CCDC15: variants seen among roughly 807,000 people sequenced by gnomAD.
The protein encoded by CCDC15 is coiled-coil domain-containing protein 15.
Under a neutral mutation model 114.5 loss-of-function variants are expected in CCDC15, and 105 were observed. The observed-to-expected ratio is 0.92, with a 90% CI of 0.78 to 1.08. The LOEUF (loss-of-function observed/expected upper bound fraction) is 1.08. Among genes scored for constraint, CCDC15 ranks in the 50% least tolerant of loss-of-function variants. CCDC15 has a pLI of 0.00. For synonymous variants in CCDC15, 334 were observed against 377.8 expected, an observed-to-expected ratio of 0.88 and a Z score of 1.34; for missense variants, 1,105 against 1,093.6, an observed-to-expected ratio of 1.01 and a Z score of -0.15.
At chr11:124,991,155 C>T (rs1591594839) in intron 8 of CCDC15, among the ~76,000 whole-genome samples, 2 of 152,216 alleles carry the variant, frequency 1.3e-5, no homozygotes, top group African/African-American at 2.4e-5. Flanking sequence ...AGAGGCACTT[C>T]CTCTGGATGT....
chr11:124,985,298 G>C (rs1948138542), intron 6 of CCDC15, among the ~76,000 whole-genome samples: 1 of 152,184 alleles, frequency 6.6e-6, no homozygotes, highest in Admixed American at 6.5e-5. Flanking sequence ...TATGAATTAT[G>C]AACGATTGTG....
intron 13 of CCDC15, among the ~76,000 whole-genome samples, chr11:125,017,708 A>G (rs1208790697): frequency 2.0e-5 from 3 of 152,146 alleles, no homozygotes; most frequent in Admixed American, 6.6e-5. Context: ...ATACAACTCC[A>G]TGAGTGTTAT....
chr11:124,959,530 T>C (rs1947618703), intron 3 of CCDC15, among the ~76,000 whole-genome samples: 1 of 152,210 alleles, frequency 6.6e-6, no homozygotes, highest in South Asian at 2.1e-4. Flanking sequence ...TTGCTACTTC[T>C]AGCTATTGAC....
intron 13 of CCDC15, among the ~76,000 whole-genome samples, chr11:125,016,569 C>G (rs1395938278): frequency 6.6e-6 from 1 of 152,138 alleles, no homozygotes; most frequent in Non-Finnish European, 1.5e-5. Context: ...TCACCTAGGC[C>G]AGATTTGTCT....
intron 4 of CCDC15, among the ~76,000 whole-genome samples, chr11:124,967,873 C>T (rs1208892366): frequency 6.6e-6 from 1 of 152,174 alleles, no homozygotes; most frequent in African/African-American, 2.4e-5. Context: ...TGTTAGTTTT[C>T]CTTCTAACAG....
chr11:124,990,878 A>G (rs1464361351), intron 8 of CCDC15, among the ~76,000 whole-genome samples: 1 of 152,352 alleles, frequency 6.6e-6, no homozygotes, highest in African/African-American at 2.4e-5. Flanking sequence ...TCCACCAGAG[A>G]TGAGTTAGAC....
At chr11:125,024,841 T>C (rs1408651943) in intron 13 of CCDC15, among the ~76,000 whole-genome samples, 1 of 151,718 alleles carries the variant, frequency 6.6e-6, no homozygotes, top group Admixed American at 6.6e-5. Context: ...TGAGAATGGA[T>C]AATTCCTGAT....
intron 10 of CCDC15, among the ~76,000 whole-genome samples, 152 bp from the exon 11 acceptor site, chr11:124,993,017 A>T (rs1206054236): frequency 6.6e-6 from 1 of 151,960 alleles, no homozygotes; most frequent in African/African-American, 2.4e-5. Context: ...AAGTTTGGAA[A>T]TTTTTATGTT....
At position 124,989,316 on chromosome 11, in the gene CCDC15, G is replaced by A. The variant is rs559212338; in HGVS notation, c.1908+1182G>A. On this transcript the variant is annotated intron_variant, in intron 8 of 15. Coordinates refer to ENST00000344762, the MANE Select transcript of CCDC15 (RefSeq NM_025004.3). The stretch of plus-strand genomic sequence containing the variant: ...GGAACAGTTGGTCTCAACAGTAAGT[G>A]TAAAATATTCTGTAAAACATGCTGT... Among the ~76,000 whole-genome samples, 96 of 152,296 alleles carry A rather than the reference G, an allele frequency of 6.3e-4. No individual in the cohort carries two copies. The South Asian group carries it at 0.019, about 30-fold the overall frequency.
chr11:125,038,512 A>G lies in CCDC15; in HGVS notation c.2493A>G (p.Ser831=), dbSNP rs1266385535. 2 of 1,587,270 alleles carry G rather than the reference A, an allele frequency of 1.3e-6. No homozygotes were observed. The highest frequency in any genetic ancestry group is 3.6e-5 in the Admixed American group (2 of 56,094). The change falls in exon 14 of 16, where the codon TCA becomes TCG. Residue 831 remains serine, a synonymous_variant. Coordinates refer to ENST00000344762, the MANE Select transcript of CCDC15 (RefSeq NM_025004.3). ...LRMNFHEDPY[S]GEKLSEILAQ... is the part of the protein sequence containing the mutation. ...TGAACTTTCATGAAGATCCATATTCAGGAGAGAAGTTGAGTGAGATATTAG... is the reference window on the plus strand; with the variant it reads ...TGAACTTTCATGAAGATCCATATTCGGGAGAGAAGTTGAGTGAGATATTAG...
intron 6 of CCDC15, among the ~76,000 whole-genome samples, chr11:124,983,051 G>T (rs1591586667): frequency 6.6e-6 from 1 of 151,944 alleles, no homozygotes; most frequent in East Asian, 1.9e-4. Context: ...CAGTCTTTGA[G>T]CTCTGAGGTT....
intron 4 of CCDC15, 28 bp downstream of exon 4, chr11:124,960,031 T>C (rs764764353): frequency 1.3e-6 from 2 of 1,497,448 alleles, no homozygotes; most frequent in South Asian, 2.6e-5. Context: ...TTATTTTATG[T>C]CTATGATATT....
intron 13 of CCDC15, among the ~76,000 whole-genome samples, chr11:125,030,544 G>A (rs1565383590): frequency 1.3e-5 from 2 of 152,204 alleles, no homozygotes. Context: ...CAGAGTAAGT[G>A]TGTATTCCAG....
intron 4 of CCDC15, among the ~76,000 whole-genome samples, chr11:124,968,989 T>C (rs2135447381): frequency 1.3e-5 from 2 of 152,334 alleles, no homozygotes; most frequent in South Asian, 4.1e-4. Flanking sequence ...GGTCTTAATT[T>C]TGCCCTCTCA....
At chr11:124,971,591 T>TATA (rs1565358762) in intron 4 of CCDC15, among the ~76,000 whole-genome samples, 1 of 152,152 alleles carries the variant, frequency 6.6e-6, no homozygotes, top group Non-Finnish European at 1.5e-5. Context: ...TATATGTTTA[T>TATA]GTTGTTCATG....
chr11:124,963,038 C>A (rs1009668224), intron 4 of CCDC15, among the ~76,000 whole-genome samples: 27 of 152,170 alleles, frequency 1.8e-4, no homozygotes, highest in African/African-American at 6.3e-4. Context: ...TTTTCTTAAT[C>A]CAGTCTATCA....
chr11:125,033,836 A>G (rs1311565428), intron 13 of CCDC15, among the ~76,000 whole-genome samples: 1 of 152,156 alleles, frequency 6.6e-6, no homozygotes, highest in Admixed American at 6.5e-5. Flanking sequence ...AATTCACCTG[A>G]TCAAACTCTA....
chr11:124,977,869 A>G lies in CCDC15; in HGVS notation c.753+269A>G, dbSNP rs572182306. 5.3e-5 allele frequency among the ~76,000 whole-genome samples: 8 copies of G among 152,228 alleles called. No individual in the cohort carries two copies. The South Asian group carries it at 1.7e-3, about 32-fold the overall frequency. On this transcript the variant is annotated intron_variant, in intron 6 of 15. Coordinates refer to ENST00000344762, the MANE Select transcript of CCDC15 (RefSeq NM_025004.3). ...ATTTTTTAATTAATTTTTTAAAATAACTTTTATTTTAGGTTCAAGGATACA... is the reference window on the plus strand; with the variant it reads ...ATTTTTTAATTAATTTTTTAAAATAGCTTTTATTTTAGGTTCAAGGATACA...
chr11:125,023,029 CTGCTTT>C (rs1948672364), intron 13 of CCDC15, among the ~76,000 whole-genome samples: 1 of 151,762 alleles, frequency 6.6e-6, no homozygotes. Flanking sequence ...TGATGAATTT[CTGCTTT>C]TCAGTTTGTT....
Sources: gnomAD v4.1 joint callset for allele counts (sites outside exome capture counted in the v4.1 genomes callset) on GRCh38, gnomAD v4.1.1 for gene constraint, MANE v1.5 for transcripts, NCBI Gene and HGNC (gene_info 2026-07-23, HGNC 2026-07-21) for gene names.